HUWE1: variants seen among roughly 807,000 people sequenced by gnomAD.
HUWE1 encodes the protein E3 ubiquitin-protein ligase HUWE1.
Under a neutral mutation model 299.4 loss-of-function variants are expected in HUWE1, and 18 were observed. That is an observed-to-expected ratio of 0.06 (90% confidence interval 0.04 to 0.09). HUWE1 has a LOEUF of 0.09. Among genes scored for constraint, HUWE1 ranks in the 10% least tolerant of loss-of-function variants. The pLI, the probability that HUWE1 is intolerant of heterozygous loss-of-function variation, is 1.00. For missense variants in HUWE1, 1,832 were observed against 3,462.3 expected (o/e 0.53, Z 11.82); for synonymous variants, 1,317 against 1,286.1 (o/e 1.02, Z -0.51).
chrX:53,641,937 T>G (rs2067616427), intron 7 of HUWE1, among the ~76,000 whole-genome samples: 1 of 111,140 alleles, frequency 9.0e-6, no homozygotes, highest in South Asian at 3.8e-4. Context: ...TTTTCCCTTA[T>G]CCATAGGGAT....
Position 53,552,910 on chromosome X carries a change from G to A in HUWE1, c.8495-17C>T. On this transcript the variant is annotated splice_polypyrimidine_tract_variant and intron_variant, in intron 61 of 83. Transcript: ENST00000262854. ...AAAGTGAGGCTAGGAAGAAGTTGCA[G>A]GGAGAGGTTAGGTTTCTATCTGGAA... is the stretch of plus-strand genomic sequence containing the variant. 2 of 1,211,233 alleles carry A rather than the reference G, an allele frequency of 1.7e-6. No individual in the cohort carries two copies. The highest frequency in any genetic ancestry group is 2.2e-6 in the Non-Finnish European group (2 of 894,987).
At position 53,603,459 on chromosome X, in the gene HUWE1, A is replaced by G. The variant is rs781791165; in HGVS notation, c.2785T>C (p.Leu929=). 1 of 1,208,709 alleles carries G rather than the reference A, an allele frequency of 8.3e-7. No individual in the cohort carries two copies. Reference sequence around the variant, plus strand: ...AGCTTGCTCAAAACACTCAGACCCAATTGAGAGCCCCACTGGTTTACGGAG... The same window carrying G: ...AGCTTGCTCAAAACACTCAGACCCAGTTGAGAGCCCCACTGGTTTACGGAG... ...SISVNQWGSQ[L]GLSVLSKLSQ... Residue 929 remains leucine, a synonymous_variant, in exon 27 of 84, where the codon TTG becomes CTG. Transcript: ENST00000262854.
chrX:53,581,623 C>T (rs1324558512), intron 42 of HUWE1, among the ~76,000 whole-genome samples: 1 of 111,713 alleles, frequency 9.0e-6, no homozygotes, highest in Non-Finnish European at 1.9e-5. Flanking sequence ...TGTTATTTCA[C>T]AAACTACATG....
chrX:53,541,364 G>T (rs1251248298), intron 74 of HUWE1, among the ~76,000 whole-genome samples: 1 of 111,180 alleles, frequency 9.0e-6, no homozygotes, highest in Non-Finnish European at 1.9e-5. Context: ...GAGGCAGGTG[G>T]ATCACTTGAG....
chrX:53,554,580 C>T, intron 61 of HUWE1, 53 bp downstream of exon 61: 1 of 1,134,103 alleles, frequency 8.8e-7, no homozygotes, highest in Non-Finnish European at 1.2e-6. Flanking sequence ...GCTACAAAGA[C>T]ATCCTTTCTT....
chrX:53,626,855 C>T (rs782160426), intron 17 of HUWE1, among the ~76,000 whole-genome samples: 1 of 111,668 alleles, frequency 9.0e-6, no homozygotes, highest in East Asian at 2.8e-4. Context: ...TTCGTAAAGA[C>T]AAGATTTTTG....
chrX:53,633,247 G>A (rs1454271204), intron 8 of HUWE1, among the ~76,000 whole-genome samples: 1 of 112,301 alleles, frequency 8.9e-6, no homozygotes, highest in Non-Finnish European at 1.9e-5. Context: ...GACACCACTT[G>A]CAGTGGTTGC....
chrX:53,565,630 G>A (rs891599179), intron 49 of HUWE1, among the ~76,000 whole-genome samples: 1 of 108,540 alleles, frequency 9.2e-6, no homozygotes, highest in Non-Finnish European at 1.9e-5. Flanking sequence ...CATGATAAAA[G>A]TTTTCCTTTT....
intron 2 of HUWE1, among the ~76,000 whole-genome samples, chrX:53,684,857 C>A (rs958537506): frequency 2.7e-5 from 3 of 112,340 alleles, no homozygotes; most frequent in Admixed American, 9.4e-5. Context: ...AAGGCCATAT[C>A]ATTAGTTCTA....
intron 2 of HUWE1, among the ~76,000 whole-genome samples, chrX:53,683,038 A>G (rs186131350): frequency 8.9e-6 from 1 of 111,960 alleles, no homozygotes; most frequent in East Asian, 2.8e-4. Flanking sequence ...GAAGGCTACT[A>G]TGGCACCATC....
Position 53,575,738 on chromosome X carries a change from G to A in HUWE1, c.5935C>T (p.Leu1979Phe), listed in dbSNP as rs782280976. 8.3e-7 allele frequency: 1 copy of A among 1,210,989 alleles called. No individual in the cohort carries two copies. The highest frequency in any genetic ancestry group is 2.2e-5 in the Admixed American group (1 of 46,119). The change falls in exon 45 of 84, where the codon CTC (leucine) becomes TTC (phenylalanine). Residue 1979 changes from leucine to phenylalanine, a missense_variant. Around this residue, in one of 15 missense-constraint regions of HUWE1, gnomAD observed 157 missense variants for 252.3 expected, o/e 0.62. Transcript: ENST00000262854. The part of the protein sequence containing the change: ...PGVMTQEVGQ[L>F]LQDMGDDVYQ... ...ACATCATCACCCATGTCTTGCAGGA[G>A]CTGGCCAACCTCTTGGGTCATAACC... is the stretch of plus-strand genomic sequence containing the variant.
chrX:53,634,423 A>G, intron 7 of HUWE1, 125 bp from the exon 8 acceptor site: 1 of 528,188 alleles, frequency 1.9e-6, no homozygotes. Context: ...ACATACATAT[A>G]TATATTTAAG....
At chrX:53,591,158 CG>C (rs782656457) in intron 33 of HUWE1, 36 bp from the exon 34 acceptor site, 2 of 1,199,018 alleles carry the variant, frequency 1.7e-6, no homozygotes, top group Non-Finnish European at 2.3e-6. Flanking sequence ...AATCACATAA[CG>C]GAAATCCAAA....
intron 48 of HUWE1, 79 bp downstream of exon 48, chrX:53,569,537 T>C: frequency 1.0e-6 from 1 of 979,685 alleles, no homozygotes; most frequent in Middle Eastern, 3.7e-4. Flanking sequence ...TTTGTTCAAG[T>C]GCAAAACCAC....
At position 53,537,732 on chromosome X, in the gene HUWE1, G is replaced by C. The variant is rs782276664; in HGVS notation, c.11997-36C>G. On this transcript the variant is annotated intron_variant, in intron 77 of 83. Coordinates refer to ENST00000262854, the MANE Select transcript of HUWE1 (RefSeq NM_031407.7). ...AGAAAAGGAAGGAAGATAGGATTAAGGGTGGCAGAACAAATTTGTTTGTGT... is the reference window on the plus strand; with the variant it reads ...AGAAAAGGAAGGAAGATAGGATTAACGGTGGCAGAACAAATTTGTTTGTGT... 7.6e-6 allele frequency: 9 copies of C among 1,188,370 alleles called. No homozygotes were observed. The East Asian group carries it at 2.4e-4, about 31-fold the overall frequency.
chrX:53,598,884 T>G (rs2064656628), intron 29 of HUWE1, among the ~76,000 whole-genome samples: 1 of 112,423 alleles, frequency 8.9e-6, no homozygotes, highest in South Asian at 3.7e-4. Context: ...AATTTAGTAA[T>G]AAGCTCAAAT....
intron 21 of HUWE1, among the ~76,000 whole-genome samples, chrX:53,616,606 AT>A (rs1457852441): frequency 9.0e-6 from 1 of 111,673 alleles, no homozygotes; most frequent in African/African-American, 3.3e-5. Context: ...TAAAAAAAAA[AT>A]ATCCATGTGT....
intron 81 of HUWE1, among the ~76,000 whole-genome samples, 192 bp downstream of exon 81, chrX:53,535,192 C>T (rs2060979080): frequency 8.9e-6 from 1 of 111,957 alleles, no homozygotes; most frequent in African/African-American, 3.2e-5. Flanking sequence ...ACCTTGGCCT[C>T]CCAAAGTGCT....
intron 47 of HUWE1, among the ~76,000 whole-genome samples, chrX:53,573,281 A>AG (rs2062925940): frequency 9.0e-6 from 1 of 111,240 alleles, no homozygotes; most frequent in South Asian, 3.8e-4. Context: ...CTTATCACCC[A>AG]GGCAGGTGTA....
Sources: gnomAD v4.1 joint callset for allele counts (sites outside exome capture counted in the v4.1 genomes callset) on GRCh38, gnomAD v4.1.1 for gene constraint, gnomAD v4.1.1 regional missense constraint, MANE v1.5 for transcripts, NCBI Gene and HGNC (gene_info 2026-07-23, HGNC 2026-07-21) for gene names.